EPHB1: variants seen among roughly 807,000 people sequenced by gnomAD.
EPHB1 encodes ephrin type-B receptor 1.
A neutral mutation model predicts 94.4 loss-of-function variants in EPHB1; 30 were observed. The ratio of observed to expected loss-of-function variants is 0.32; its 90% CI spans 0.24 to 0.43. EPHB1 has a LOEUF of 0.43. Ranked by LOEUF, EPHB1 falls within the 20% of genes least tolerant of loss-of-function variation. The pLI, the probability that EPHB1 is intolerant of heterozygous loss-of-function variation, is 1.00. For synonymous variants in EPHB1, 522 were observed against 489.1 expected, an observed-to-expected ratio of 1.07 and a Z score of -0.89; for missense variants, 1,055 against 1,308.3, an observed-to-expected ratio of 0.81 and a Z score of 2.99.
chr3:134,798,538 A>C (rs1375643283), intron 1 of EPHB1, among the ~76,000 whole-genome samples: 1 of 152,154 alleles, frequency 6.6e-6, no homozygotes, highest in Non-Finnish European at 1.5e-5. Flanking sequence ...AGATGCCACT[A>C]CAAGGAAAAG....
chr3:135,127,517 C>T (rs1022143005), intron 4 of EPHB1, among the ~76,000 whole-genome samples: 6 of 152,294 alleles, frequency 3.9e-5, no homozygotes, highest in Non-Finnish European at 7.4e-5. Flanking sequence ...CTAGACCCGA[C>T]CTGCTTGGCA....
chr3:134,812,126 A>T (rs1268426361), intron 1 of EPHB1, among the ~76,000 whole-genome samples: 1 of 152,174 alleles, frequency 6.6e-6, no homozygotes, highest in Non-Finnish European at 1.5e-5. Flanking sequence ...TTTGGAAAAA[A>T]AATAGGCTTT....
At chr3:134,880,394 T>C (rs7646638) in intron 1 of EPHB1, among the ~76,000 whole-genome samples, 25,520 of 152,132 alleles carry the variant, frequency 0.17, 3,908 homozygotes, top group African/African-American at 0.42. Context: ...GATGACTCCA[T>C]ACAGGGTACT....
intron 3 of EPHB1, among the ~76,000 whole-genome samples, chr3:135,036,601 C>T (rs577649865): frequency 3.9e-5 from 6 of 152,338 alleles, no homozygotes; most frequent in Admixed American, 3.3e-4. Context: ...GTCCTCCTAA[C>T]TCAGCCACCA....
rs545871376 is a variant in EPHB1 at position 135,233,556 on chromosome 3, G to A, written c.2347-7592G>A. Among the ~76,000 whole-genome samples the A allele has an allele frequency of 6.6e-5, 10 of 152,292 alleles. No individual in the cohort carries two copies. The East Asian group carries it at 1.4e-3, about 21-fold the overall frequency. On this transcript the variant is annotated intron_variant, in intron 12 of 15. Transcript: ENST00000398015. ...CAGGTGTACAGTGCAAGCTGTTGGCGGATCTACCATTCTAGGGTCTGGAGG... is the reference window on the plus strand; with the variant it reads ...CAGGTGTACAGTGCAAGCTGTTGGCAGATCTACCATTCTAGGGTCTGGAGG...
chr3:135,038,330 T>C (rs565155330), intron 3 of EPHB1, among the ~76,000 whole-genome samples: 1 of 152,370 alleles, frequency 6.6e-6, no homozygotes, highest in Admixed American at 6.5e-5. Context: ...AGTAACACTT[T>C]ACCCGTTCCG....
intron 1 of EPHB1, among the ~76,000 whole-genome samples, chr3:134,839,518 G>A (rs1267047041): frequency 6.6e-6 from 1 of 152,222 alleles, no homozygotes; most frequent in Admixed American, 6.5e-5. Flanking sequence ...AGAGGGGTAG[G>A]CATGTCCTGA....
chr3:134,854,194 A>T (rs1429092492), intron 1 of EPHB1, among the ~76,000 whole-genome samples: 1 of 152,170 alleles, frequency 6.6e-6, no homozygotes, highest in African/African-American at 2.4e-5. Context: ...CCTGGCTCAC[A>T]GTAGGTGCTG....
chr3:135,115,367 G>A (rs1053385478), intron 4 of EPHB1, among the ~76,000 whole-genome samples: 2 of 152,124 alleles, frequency 1.3e-5, no homozygotes, highest in African/African-American at 4.8e-5. Context: ...AATATTCTCT[G>A]CTCCAATTGT....
At chr3:134,798,664 A>G (rs893871420) in intron 1 of EPHB1, among the ~76,000 whole-genome samples, 2 of 152,100 alleles carry the variant, frequency 1.3e-5, no homozygotes, top group African/African-American at 4.8e-5. Context: ...CAGCGTCCTG[A>G]CAAACAACTG....
rs749032472 is a variant in EPHB1 at position 135,132,852 on chromosome 3, G to A, written c.1100G>A (p.Arg367His). 19 of 1,613,908 alleles carry A rather than the reference G, an allele frequency of 1.2e-5. No individual in the cohort carries two copies. Among genetic ancestry groups the A allele is most frequent in the African/African-American group, 5.3e-5 (4 of 74,940 alleles). Residue 367 changes from arginine (R) to histidine (H), a missense_variant, in exon 5 of 16, where the codon CGC becomes CAC. Physicochemically the swap from Arg to His is conservative, Grantham distance 29. Coordinates refer to ENST00000398015, the MANE Select transcript of EPHB1 (RefSeq NM_004441.5). ...NIICKKCRAD[R>H]RSCSRCDDNV... Reference sequence around the variant, plus strand: ...ATCTGCAAAAAGTGCCGGGCAGACCGCCGGAGCTGCTCCCGCTGTGACGAC... The same window carrying A: ...ATCTGCAAAAAGTGCCGGGCAGACCACCGGAGCTGCTCCCGCTGTGACGAC...
At chr3:135,033,152 A>T (rs924348771) in intron 3 of EPHB1, among the ~76,000 whole-genome samples, 1 of 152,166 alleles carries the variant, frequency 6.6e-6, no homozygotes, top group Non-Finnish European at 1.5e-5. Flanking sequence ...TCAATGCAGG[A>T]TTCAGTTTGT....
chr3:134,857,265 C>T (rs190334308), intron 1 of EPHB1, among the ~76,000 whole-genome samples: 1 of 152,276 alleles, frequency 6.6e-6, no homozygotes, highest in East Asian at 1.9e-4. Flanking sequence ...ATCTGTACTC[C>T]TCTCCGTATA....
At chr3:135,192,257 T>G (rs1400613723) in intron 10 of EPHB1, among the ~76,000 whole-genome samples, 1 of 8,562 alleles carries the variant, frequency 1.2e-4, no homozygotes, top group Non-Finnish European at 2.8e-4. Flanking sequence ...ACCATTTCAT[T>G]TCAATTATTC....
At chr3:134,956,199 T>A (rs926420082) in intron 3 of EPHB1, among the ~76,000 whole-genome samples, 3 of 152,010 alleles carry the variant, frequency 2.0e-5, no homozygotes, top group African/African-American at 7.2e-5. Context: ...TGGGGGTGTC[T>A]CAGAAATAGG....
intron 12 of EPHB1, among the ~76,000 whole-genome samples, chr3:135,210,314 A>T (rs1436155616): frequency 6.6e-6 from 1 of 152,166 alleles, no homozygotes; most frequent in Non-Finnish European, 1.5e-5. Context: ...TTTGACTTTT[A>T]TATGTCTATA....
At chr3:135,076,587 C>A (rs1249139228) in intron 3 of EPHB1, among the ~76,000 whole-genome samples, 2 of 152,122 alleles carry the variant, frequency 1.3e-5, no homozygotes, top group Non-Finnish European at 2.9e-5. Context: ...AATTCCACTC[C>A]TCAGATTTTT....
At chr3:135,156,265 G>A (rs1296185923) in intron 6 of EPHB1, among the ~76,000 whole-genome samples, 3 of 152,066 alleles carry the variant, frequency 2.0e-5, no homozygotes, top group African/African-American at 7.2e-5. Context: ...GGGACCGGGT[G>A]AAGATATCCA....
chr3:134,943,663 G>A (rs2039163748), intron 2 of EPHB1, among the ~76,000 whole-genome samples: 1 of 152,204 alleles, frequency 6.6e-6, no homozygotes, highest in Non-Finnish European at 1.5e-5. Flanking sequence ...CAGGTCCTCA[G>A]TATCAGTGAT....
Sources: gnomAD v4.1 joint callset for allele counts (sites outside exome capture counted in the v4.1 genomes callset) on GRCh38, gnomAD v4.1.1 for gene constraint, MANE v1.5 for transcripts, NCBI Gene and HGNC (gene_info 2026-07-23, HGNC 2026-07-21) for gene names.